MYO5B: variants seen among roughly 807,000 people sequenced by gnomAD.
MYO5B encodes unconventional myosin-Vb.
Under a neutral mutation model 229.3 loss-of-function variants are expected in MYO5B, and 143 were observed. The observed-to-expected ratio is 0.62, with a 90% CI of 0.54 to 0.72. MYO5B has a LOEUF of 0.72. MYO5B is among the 30% of genes least tolerant of loss of function. The pLI, the probability that MYO5B is intolerant of heterozygous loss-of-function variation, is 0.00. For missense variants in MYO5B, 2,321 were observed against 2,331.0 expected, an observed-to-expected ratio of 1.00 and a Z score of 0.09; for synonymous variants, 918 against 885.2, an observed-to-expected ratio of 1.04 and a Z score of -0.66.
chr18:49,917,410 A>G (rs149045934), intron 17 of MYO5B, among the ~76,000 whole-genome samples: 2 of 151,542 alleles, frequency 1.3e-5, no homozygotes, highest in Non-Finnish European at 3.0e-5. Context: ...TCTTTGGATC[A>G]TTATCCCCGA....
At chr18:50,155,294 T>A (rs890345271) in intron 1 of MYO5B, among the ~76,000 whole-genome samples, 1 of 152,082 alleles carries the variant, frequency 6.6e-6, no homozygotes, top group East Asian at 1.9e-4. Flanking sequence ...ATTCGTAGAA[T>A]GAAGAATTGG....
chr18:49,978,735 ACACACACAC>A (rs2025781696), intron 9 of MYO5B, among the ~76,000 whole-genome samples: 2 of 145,184 alleles, frequency 1.4e-5, no homozygotes, highest in African/African-American at 5.4e-5. Context: ...ACACACACAC[ACACACACAC>A]AAAATGCTCA....
At chr18:49,829,795 AAATC>A (rs1366272574) in intron 39 of MYO5B, among the ~76,000 whole-genome samples, 2 of 152,218 alleles carry the variant, frequency 1.3e-5, no homozygotes, top group African/African-American at 4.8e-5. Flanking sequence ...TTCAACATAA[AAATC>A]AATCAATGTA....
chr18:50,098,267 G>GT (rs149326990), intron 1 of MYO5B, among the ~76,000 whole-genome samples: 4,411 of 151,628 alleles, frequency 0.029, 208 homozygotes, highest in African/African-American at 0.1. Context: ...TTAAAATCAG[G>GT]TTTTTTTTTA....
chr18:50,175,721 G>GA (rs2144340164), intron 1 of MYO5B, among the ~76,000 whole-genome samples: 1 of 152,342 alleles, frequency 6.6e-6, no homozygotes, highest in Admixed American at 6.5e-5. Context: ...CTTACTCAAA[G>GA]GTGAAATTCT....
At chr18:49,843,059 C>T (rs2024079289) in intron 34 of MYO5B, among the ~76,000 whole-genome samples, 182 bp downstream of exon 34, 1 of 152,218 alleles carries the variant, frequency 6.6e-6, no homozygotes, top group Non-Finnish European at 1.5e-5. Flanking sequence ...TGGGCCTGAG[C>T]ATCCTTCTCT....
At chr18:49,854,574 T>G (rs1022278031) in intron 30 of MYO5B, among the ~76,000 whole-genome samples, 2 of 152,142 alleles carry the variant, frequency 1.3e-5, no homozygotes, top group African/African-American at 2.4e-5. Flanking sequence ...AAAGCTAGGG[T>G]GCTGGGGGAG....
At chr18:49,854,013 CT>C (rs1198634726) in intron 30 of MYO5B, among the ~76,000 whole-genome samples, 1 of 152,232 alleles carries the variant, frequency 6.6e-6, no homozygotes, top group Non-Finnish European at 1.5e-5. Context: ...ATAAAAACAT[CT>C]ACATCTGCCC....
intron 3 of MYO5B, among the ~76,000 whole-genome samples, chr18:50,038,576 C>G (rs1054039510): frequency 2.9e-4 from 44 of 152,186 alleles, no homozygotes; most frequent in African/African-American, 1.0e-3. Flanking sequence ...ACGTAGCACG[C>G]AATTCACATT....
intron 29 of MYO5B, among the ~76,000 whole-genome samples, chr18:49,861,819 G>A (rs2024333084): frequency 6.6e-6 from 1 of 152,188 alleles, no homozygotes; most frequent in Admixed American, 6.5e-5. Flanking sequence ...AGTACCAGAA[G>A]TCTTCAGTGA....
At chr18:50,188,239 T>C (rs1259545526) in intron 1 of MYO5B, among the ~76,000 whole-genome samples, 1 of 152,184 alleles carries the variant, frequency 6.6e-6, no homozygotes, top group African/African-American at 2.4e-5. Flanking sequence ...CATCCTTCTT[T>C]ACAGCCTCCT....
chr18:49,863,116 T>C, intron 29 of MYO5B, 111 bp downstream of exon 29: 1 of 828,488 alleles, frequency 1.2e-6, no homozygotes, highest in East Asian at 2.5e-5. Flanking sequence ...AATAAATAAT[T>C]CTCTGATGCT....
intron 1 of MYO5B, among the ~76,000 whole-genome samples, chr18:50,090,692 T>C (rs1291360402): frequency 6.6e-6 from 1 of 152,008 alleles, no homozygotes; most frequent in East Asian, 1.9e-4. Flanking sequence ...AGCAGAAGAG[T>C]TCCCTAGCAC....
intron 1 of MYO5B, among the ~76,000 whole-genome samples, chr18:50,188,816 A>AAAAAAAAC (rs1568138517): frequency 7.1e-6 from 1 of 141,216 alleles, no homozygotes; most frequent in African/African-American, 2.6e-5. Context: ...AAAAAAAAAA[A>AAAAAAAAC]ACACACACAC....
chr18:49,961,942 T>C (rs1486425034), intron 12 of MYO5B, among the ~76,000 whole-genome samples: 2 of 152,338 alleles, frequency 1.3e-5, no homozygotes, highest in Non-Finnish European at 2.9e-5. Flanking sequence ...GGGATGCCCA[T>C]TAGATGTTGC....
chr18:50,057,194 C>T (rs2666926), intron 1 of MYO5B, among the ~76,000 whole-genome samples: 148,663 of 152,334 alleles, frequency 0.98, 72,648 homozygotes, highest in East Asian at 1. Flanking sequence ...TCCACTATGG[C>T]TTAAGTCCAC....
At chr18:50,010,435 G>C (rs2026149589) in intron 4 of MYO5B, among the ~76,000 whole-genome samples, 1 of 152,206 alleles carries the variant, frequency 6.6e-6, no homozygotes, top group Non-Finnish European at 1.5e-5. Context: ...ACAGAGCACT[G>C]GTTAGGGCAC....
chr18:50,192,703 T>G (rs1213791590), intron 1 of MYO5B, among the ~76,000 whole-genome samples: 1 of 152,210 alleles, frequency 6.6e-6, no homozygotes, highest in African/African-American at 2.4e-5. Flanking sequence ...CTGATTTGGC[T>G]CCTTCTGACT....
At chr18:50,072,085 C>G (rs2030969878) in intron 1 of MYO5B, among the ~76,000 whole-genome samples, 1 of 152,206 alleles carries the variant, frequency 6.6e-6, no homozygotes, top group African/African-American at 2.4e-5. Context: ...ATTCTCTAGG[C>G]ACTCCCTTTG....
Sources: allele counts gnomAD v4.1 joint callset (sites outside exome capture counted in the v4.1 genomes callset), GRCh38; gene constraint gnomAD v4.1.1; transcripts MANE v1.5; gene names NCBI Gene and HGNC (gene_info 2026-07-23, HGNC 2026-07-21).